The following GGTA1 variants were observed in gnomAD, a reference collection of about 807,000 sequenced individuals.
GGTA1 encodes inactive N-acetyllactosaminide alpha-1,3-galactosyltransferase.
Under a neutral mutation model 2.6 loss-of-function variants are expected in GGTA1, and 5 were observed. That is an observed-to-expected ratio of 1.92 (90% confidence interval 1.00 to 4.04). The LOEUF (loss-of-function observed/expected upper bound fraction) is 4.04, where lower values mean the gene tolerates loss of function less well. Ranked by LOEUF, GGTA1 falls within the 30% of genes most tolerant of loss-of-function variation. The pLI is 0.00. For synonymous variants in GGTA1, 17 were observed against 5.0 expected (o/e 3.38, Z -3.19); for missense variants, 50 against 16.7 (o/e 2.99, Z -3.47).
intron 1 of GGTA1, among the ~76,000 whole-genome samples, chr9:121,486,327 C>T (rs369606857): frequency 2.2e-3 from 342 of 152,344 alleles, no homozygotes; most frequent in Middle Eastern, 0.01. Flanking sequence ...ACCTACACCA[C>T]GCCCACGTGG....
chr9:121,475,167 C>T (rs1478748098), intron 1 of GGTA1, among the ~76,000 whole-genome samples: 4 of 152,118 alleles, frequency 2.6e-5, no homozygotes, highest in Non-Finnish European at 5.9e-5. Flanking sequence ...GTAAAGAAGC[C>T]GGCTGAAACC....
At chr9:121,492,573 A>G (rs1266688114) in intron 1 of GGTA1, among the ~76,000 whole-genome samples, 1 of 152,150 alleles carries the variant, frequency 6.6e-6, no homozygotes, top group Non-Finnish European at 1.5e-5. Flanking sequence ...TCCCGGGTTC[A>G]AGTGATTCTC....
chr9:121,456,671 C>T (rs1250232953), intron 5 of GGTA1, among the ~76,000 whole-genome samples: 4 of 152,108 alleles, frequency 2.6e-5, no homozygotes, highest in Admixed American at 2.6e-4. Flanking sequence ...CCACCTTGGC[C>T]TCCCAAAGTG....
intron 1 of GGTA1, among the ~76,000 whole-genome samples, chr9:121,481,844 A>T (rs1828660176): frequency 2.0e-5 from 3 of 151,354 alleles, no homozygotes; most frequent in Admixed American, 2.0e-4. Flanking sequence ...TAAAAATACA[A>T]AATTAGCTGG....
chr9:121,447,888 GC>G (rs1482447644), intron 7 of GGTA1, among the ~76,000 whole-genome samples: 2 of 152,168 alleles, frequency 1.3e-5, no homozygotes, highest in Admixed American at 6.5e-5. Flanking sequence ...TTTTGGAAGA[GC>G]AACTAGAACT....
intron 1 of GGTA1, among the ~76,000 whole-genome samples, chr9:121,495,785 C>T (rs1390689786): frequency 6.6e-6 from 1 of 152,202 alleles, no homozygotes; most frequent in Non-Finnish European, 1.5e-5. Context: ...CTTACTCTCT[C>T]AGCTAGTGGC....
At chr9:121,474,267 T>C (rs1828459518) in intron 1 of GGTA1, among the ~76,000 whole-genome samples, 1 of 152,142 alleles carries the variant, frequency 6.6e-6, no homozygotes, top group Admixed American at 6.5e-5. Context: ...AATACTCTTA[T>C]ACTTTCTCTC....
chr9:121,495,544 T>C (rs1828974772), intron 1 of GGTA1, among the ~76,000 whole-genome samples: 1 of 152,024 alleles, frequency 6.6e-6, no homozygotes, highest in Non-Finnish European at 1.5e-5. Flanking sequence ...CAAAACTCCA[T>C]CTCAAAAAAA....
Position 121,496,789 on chromosome 9 carries a change from G to T in GGTA1, c.-10+2861C>A, listed in dbSNP as rs190074409. Among the ~76,000 whole-genome samples the T allele has an allele frequency of 1.3e-3, 197 of 149,480 alleles. 2 individuals are homozygous for T. The highest frequency in any genetic ancestry group is 0.012 in the Admixed American group (181 of 14,838). ...AGAGAATCGCTTGAATGAACCTAGG[G>T]GGCAGAGATTGCAGTGATTCAAGAT... is the stretch of plus-strand genomic sequence containing the variant. On this transcript the variant is annotated intron_variant, in intron 1 of 5. Coordinates refer to ENST00000481799, the MANE Select transcript of GGTA1 (RefSeq NM_001382585.1).
chr9:121,453,882 C>T (rs1044948945), downstream of GGTA1, among the ~76,000 whole-genome samples: 1 of 152,144 alleles, frequency 6.6e-6, no homozygotes, highest in African/African-American at 2.4e-5. Context: ...AAAGGGGCCT[C>T]AGTAGACTCT....
intron 3 of GGTA1, 65 bp from the exon 4 acceptor site, chr9:121,461,382 A>G (rs2118671447): frequency 4.7e-6 from 2 of 424,040 alleles, no homozygotes; most frequent in Non-Finnish European, 9.2e-6. Flanking sequence ...TAGGGTTTCC[A>G]AATTCTTTCT....
chr9:121,488,534 G>A (rs1828807616), intron 1 of GGTA1, among the ~76,000 whole-genome samples: 1 of 152,278 alleles, frequency 6.6e-6, no homozygotes, highest in East Asian at 1.9e-4. Flanking sequence ...GCCCAACATG[G>A]TGAAACCCTG....
intron 1 of GGTA1, among the ~76,000 whole-genome samples, chr9:121,475,368 C>A (rs1473490849): frequency 6.6e-6 from 1 of 152,188 alleles, no homozygotes. Flanking sequence ...AATGGGCAAC[C>A]AGCAGTCCTC....
chr9:121,491,896 C>G (rs1201868738), intron 1 of GGTA1, among the ~76,000 whole-genome samples: 3 of 152,188 alleles, frequency 2.0e-5, no homozygotes, highest in Non-Finnish European at 4.4e-5. Context: ...TGTGAGCCAC[C>G]ATGCTCAGCC....
chr9:121,475,972 T>C (rs1300751929), intron 1 of GGTA1, among the ~76,000 whole-genome samples: 2 of 152,304 alleles, frequency 1.3e-5, no homozygotes, highest in East Asian at 3.9e-4. Context: ...TCTGAGCCTC[T>C]ATTTACATAT....
In GGTA1 at chr9:121,476,699, G is replaced by A. The variant is rs374825897; in HGVS notation, c.-9-8768C>T. Among the ~76,000 whole-genome samples, 1 of 152,158 alleles carries A rather than the reference G, an allele frequency of 6.6e-6. No individual in the cohort carries two copies. The highest frequency in any genetic ancestry group is 1.5e-5 in the Non-Finnish European group (1 of 68,026). The stretch of plus-strand genomic sequence containing the variant: ...ATGCATAGGAACCACCAACCAATAT[G>A]CGCTGAATGCAGAGGCTGACTTACC... On this transcript the variant is annotated intron_variant, in intron 1 of 5. Transcript: ENST00000481799. The surrounding 1 kb of genome is among the most constrained non-coding windows in gnomAD (Gnocchi z 4.6).
downstream of GGTA1, among the ~76,000 whole-genome samples, chr9:121,452,862 T>C (rs954190869): frequency 2.0e-5 from 3 of 152,204 alleles, no homozygotes; most frequent in Non-Finnish European, 4.4e-5. Context: ...CTCTTATCTC[T>C]ACATCTCATA....
intron 1 of GGTA1, among the ~76,000 whole-genome samples, chr9:121,480,639 C>G (rs1006485970): frequency 9.9e-5 from 15 of 152,176 alleles, no homozygotes; most frequent in Non-Finnish European, 1.2e-4. Flanking sequence ...CTCTTCCTCC[C>G]GTTCCCCAGA....
At chr9:121,454,117 A>G (rs1045194121), downstream of GGTA1, among the ~76,000 whole-genome samples, 2 of 152,076 alleles carry the variant, frequency 1.3e-5, no homozygotes, top group African/African-American at 2.4e-5. Context: ...CTCCTGGTTC[A>G]CCACATCTTG....
Sources: gnomAD v4.1 joint callset for allele counts (sites outside exome capture counted in the v4.1 genomes callset) on GRCh38, gnomAD v4.1.1 for gene constraint, Gnocchi (gnomAD v3.1) non-coding constraint, MANE v1.5 for transcripts, NCBI Gene and HGNC (gene_info 2026-07-23, HGNC 2026-07-21) for gene names.